The following MYO15A variants were observed in gnomAD, a reference collection of about 807,000 sequenced individuals.
MYO15A encodes the protein unconventional myosin-XV.
Under a neutral mutation model 394.6 loss-of-function variants are expected in MYO15A, and 308 were observed. That is an observed-to-expected ratio of 0.78 (90% CI 0.71 to 0.86). The LOEUF is 0.86. MYO15A is among the 40% of genes least tolerant of loss of function. The pLI, the probability that MYO15A is intolerant of heterozygous loss-of-function variation, is 0.00. For synonymous variants in MYO15A, 1,957 were observed against 2,003.8 expected (o/e 0.98, Z 0.62); for missense variants, 4,606 against 4,799.1 (o/e 0.96, Z 1.19).
At chr17:18,168,049 A>G (rs773487248) in intron 62 of MYO15A, among the ~76,000 whole-genome samples, 1 of 152,248 alleles carries the variant, frequency 6.6e-6, no homozygotes, top group Non-Finnish European at 1.5e-5. Context: ...TTCAGCCACA[A>G]AAGCATTCAC....
chr17:18,144,131 G>A lies in MYO15A; in HGVS notation c.6177+131G>A, dbSNP rs941761165. 6 of 1,438,436 alleles carry A rather than the reference G, an allele frequency of 4.2e-6. No individual in the cohort carries two copies. The East Asian group carries it at 9.6e-5, about 23-fold the overall frequency. The allele number at this position is 1,438,436 out of a possible 1,614,324, so 89.1% of individuals were successfully genotyped here. A position where few individuals can be genotyped will look rare whatever the true frequency, so the allele number is the denominator to read the frequency against. Reference sequence around the variant, plus strand: ...TTGGGTATGAGCCTTTTAGTTGCTGGATCATAGGGAATCTGGGAGATCCCT... The same window carrying A: ...TTGGGTATGAGCCTTTTAGTTGCTGAATCATAGGGAATCTGGGAGATCCCT... On this transcript the variant is annotated intron_variant, in intron 28 of 65. Coordinates refer to ENST00000647165, the MANE Select transcript of MYO15A (RefSeq NM_016239.4).
In MYO15A at chr17:18,133,097, A is replaced by G. The variant is rs1597780745; in HGVS notation, c.4321-128A>G. 37 of 927,244 alleles carry G rather than the reference A, an allele frequency of 4.0e-5. 1 individual carries two copies. In the East Asian group the frequency reaches 9.5e-4, roughly 24 times the overall value. 57.4% of individuals were successfully genotyped at this position (927,244 alleles called of 1,614,324 possible). On this transcript the variant is annotated intron_variant, in intron 11 of 65. Coordinates refer to ENST00000647165, the MANE Select transcript of MYO15A (RefSeq NM_016239.4). ...AGCCGTGCTCAGAGCCTCCGTGCCC[A>G]TGAGAGTGAAATGACAGCTTGAGTG...
chr17:18,138,829 C>T lies in MYO15A; in HGVS notation c.5026C>T (p.Leu1676=). The change falls in exon 18 of 66, where the codon CTA becomes TTA. Residue 1676 remains leucine, a synonymous_variant. Coordinates refer to ENST00000647165, the MANE Select transcript of MYO15A (RefSeq NM_016239.4). ...CCCCCAGGCTACAGACCACACCTTC[C>T]TACAGAAGTGCCACTACCATCATGG... ...CFPQATDHTF[L]QKCHYHHGAN... 1 of 1,613,918 alleles carries T rather than the reference C, an allele frequency of 6.2e-7. No homozygotes were observed. Among genetic ancestry groups the T allele is most frequent in the Non-Finnish European group, 8.5e-7 (1 of 1,179,948 alleles).
intron 1 of MYO15A, among the ~76,000 whole-genome samples, chr17:18,114,527 C>T (rs1465051296): frequency 6.6e-6 from 1 of 152,150 alleles, no homozygotes; most frequent in Non-Finnish European, 1.5e-5. Flanking sequence ...GCTGGGATTA[C>T]AGGCATGAGC....
chr17:18,152,064 A>C, intron 41 of MYO15A, 48 bp from the exon 42 acceptor site: 3 of 1,548,116 alleles, frequency 1.9e-6, no homozygotes, highest in Admixed American at 3.9e-5. Context: ...CTGCCCCTCC[A>C]CAGGGCCTGC....
At position 18,135,804 on chromosome 17, in the gene MYO15A, G is replaced by A; in HGVS notation, c.4576G>A (p.Ala1526Thr). 3.7e-6 allele frequency: 6 copies of A among 1,614,004 alleles called. No individual in the cohort carries two copies. Among genetic ancestry groups the A allele is most frequent in the Middle Eastern group, 1.7e-4 (1 of 6,054 alleles). Residue 1526 changes from alanine (A) to threonine (T), a missense_variant, in exon 13 of 66, where the codon GCC becomes ACC. By Grantham distance (58) the Ala-to-Thr change is moderately conservative. Coordinates refer to ENST00000647165, the MANE Select transcript of MYO15A (RefSeq NM_016239.4). ...LQISPEGLQK[A>T]ITFKVTETMR... ...GATCTCCCCTGAGGGCCTGCAGAAG[G>A]CCATCACCTTCAAAGTGACCGTGAG...
chr17:18,156,340 A>AGGATCTTCTCAC lies in MYO15A; in HGVS notation c.8601+5_8601+16dup, dbSNP rs1567656910. The stretch of plus-strand genomic sequence containing the variant: ...CTTCATCTTGGAGCTGAAGAAGGTC[A>AGGATCTTCTCAC]GGATCTTCTCACAGATCTTCCCTCC... On this transcript the variant is annotated splice_donor_region_variant and intron_variant, in intron 48 of 65. Coordinates refer to ENST00000647165, the MANE Select transcript of MYO15A (RefSeq NM_016239.4). 5.6e-6 allele frequency: 9 copies of AGGATCTTCTCAC among 1,614,082 alleles called. No homozygotes were observed. The highest frequency in any genetic ancestry group is 7.6e-6 in the Non-Finnish European group (9 of 1,179,946).
Position 18,120,773 on chromosome 17 carries a change from G to T in MYO15A, c.1973G>T (p.Ser658Ile). ...QPAPRTLSHW[S>I]ALLSPPVPPR... is the part of the protein sequence containing the mutation. ...GCGCCCAGGACCCTCTCCCACTGGA[G>T]CGCGCTCCTGTCTCCGCCCGTGCCC... The change falls in exon 2 of 66, where the codon AGC (serine) becomes ATC (isoleucine). Residue 658 changes from serine to isoleucine, a missense_variant. Ser to Ile is a moderately radical substitution (Grantham distance 142). Transcript: ENST00000647165. The T allele has an allele frequency of 7.0e-7, 1 of 1,426,642 alleles. No individual in the cohort carries two copies. 88.4% of individuals were successfully genotyped at this position (1,426,642 alleles called of 1,614,324 possible).
chr17:18,139,739 C>A, intron 19 of MYO15A, 128 bp downstream of exon 19: 2 of 1,135,108 alleles, frequency 1.8e-6, no homozygotes, highest in Non-Finnish European at 2.6e-6. Context: ...CAGACAAAGA[C>A]AAGGGTGGCC....
rs1196808103 is a variant in MYO15A at position 18,137,636 on chromosome 17, A to C, written c.4832A>C (p.Asn1611Thr). 6.2e-7 allele frequency: 1 copy of C among 1,614,148 alleles called. No homozygotes were observed. The highest frequency in any genetic ancestry group is 1.7e-5 in the Admixed American group (1 of 60,020). ...CTGTGTATTAACTACGCAAACGAGA[A>C]CCTTCAGTACCTTTTCAACAAGATC... is the stretch of plus-strand genomic sequence containing the variant. The part of the protein sequence containing the change: ...EQLCINYANE[N>T]LQYLFNKIVF... Residue 1611 changes from asparagine to threonine, a missense_variant, in exon 16 of 66, where the codon AAC becomes ACC. Asn to Thr is a moderately conservative substitution (Grantham distance 65, BLOSUM62 0). This residue lies in a region of MYO15A where 2,776 missense variants were observed against 3,109.3 expected (regional missense o/e 0.89). Coordinates refer to ENST00000647165, the MANE Select transcript of MYO15A (RefSeq NM_016239.4).
chr17:18,157,882 G>A lies in MYO15A; in HGVS notation c.8949G>A (p.Glu2983=). The part of the protein sequence containing the change: ...AAVASAAAAQ[E]VGRRREGPPV... ...TGGCCTCTGCAGCCGCTGCACAGGA[G>A]GTGGGCCGCAGGAGAGAGGTGAGAC... Residue 2983 remains glutamate, a synonymous_variant, in exon 51 of 66, where the codon GAG becomes GAA. Coordinates refer to ENST00000647165, the MANE Select transcript of MYO15A (RefSeq NM_016239.4). 6.5e-7 allele frequency: 1 copy of A among 1,534,718 alleles called. No homozygotes were observed. The highest frequency in any genetic ancestry group is 1.4e-5 in the African/African-American group (1 of 72,812).
chr17:18,116,481 G>A (rs978522102), intron 1 of MYO15A, among the ~76,000 whole-genome samples: 9 of 152,224 alleles, frequency 5.9e-5, no homozygotes, highest in African/African-American at 2.2e-4. Flanking sequence ...TTCCTCATCC[G>A]GAGAATGGAT....
Position 18,121,040 on chromosome 17 carries a change from G to GCT in MYO15A, c.2242_2243dup (p.Arg749ProfsTer33). 1 of 1,509,422 alleles carries GCT rather than the reference G, an allele frequency of 6.6e-7. No individual in the cohort carries two copies. Among genetic ancestry groups the GCT allele is most frequent in the Non-Finnish European group, 8.8e-7 (1 of 1,133,640 alleles). 93.5% of individuals were successfully genotyped at this position (1,509,422 alleles called of 1,614,324 possible). A position where few individuals can be genotyped will look rare whatever the true frequency, so the allele number is the denominator to read the frequency against. On this transcript the variant is annotated frameshift_variant, in exon 2 of 66. Coordinates refer to ENST00000647165, the MANE Select transcript of MYO15A (RefSeq NM_016239.4). LOFTEE classifies it high-confidence loss of function. The surrounding 1 kb of genome is among the most constrained non-coding windows in gnomAD (Gnocchi z 5.3). ...CCAGGGCCCCGACCCTCGTTCAGGGGCTCCCGCCGGAGAGGGGCGGCTTTC... is the reference window on the plus strand; with the variant it reads ...CCAGGGCCCCGACCCTCGTTCAGGGGCTCTCCCGCCGGAGAGGGGCGGCTTTC...
intron 13 of MYO15A, among the ~76,000 whole-genome samples, chr17:18,136,197 G>A (rs1246984540): frequency 2.6e-5 from 4 of 152,132 alleles, no homozygotes; most frequent in Non-Finnish European, 4.4e-5. Context: ...ATCTGCTGAT[G>A]CCTCTGTCTC....
rs529758445 is a variant in MYO15A at position 18,138,903 on chromosome 17, C to T, written c.5100C>T (p.Thr1700=). Residue 1700 remains threonine (T), a synonymous_variant, in exon 18 of 66, where the codon ACC becomes ACT. Transcript: ENST00000647165. ...SKPKMPLPEF[T]IKHYAGKVTY... The stretch of plus-strand genomic sequence containing the variant: ...CCAAGATGCCGCTGCCTGAGTTCAC[C>T]ATCAAGCACTATGCAGGCAAGGTCA... 73 of 1,613,162 alleles carry T rather than the reference C, an allele frequency of 4.5e-5. No homozygotes were observed. In the Middle Eastern group the frequency reaches 5.0e-4, roughly 11 times the overall value.
At chr17:18,162,256 G>A (rs1160420754) in intron 57 of MYO15A, among the ~76,000 whole-genome samples, 1 of 152,180 alleles carries the variant, frequency 6.6e-6, no homozygotes, top group Non-Finnish European at 1.5e-5. Context: ...CCTAGCCACA[G>A]AGCCTGTGAG....
At chr17:18,173,497 C>T in intron 64 of MYO15A, 1 of 456,144 alleles carries the variant, frequency 2.2e-6, no homozygotes, top group South Asian at 2.2e-5. Flanking sequence ...TTCAGGGCAC[C>T]AATACCTCTC....
At chr17:18,154,879 G>C (rs1418573108) in intron 45 of MYO15A, 124 bp downstream of exon 45, 1 of 1,175,082 alleles carries the variant, frequency 8.5e-7, no homozygotes, top group Admixed American at 2.0e-5. Context: ...GTGCCTCCTT[G>C]CTCTGCTTCT....
Position 18,157,832 on chromosome 17 carries a change from C to G in MYO15A, c.8899C>G (p.Arg2967Gly), listed in dbSNP as rs944487015. Residue 2967 changes from arginine (R) to glycine (G), a missense_variant, in exon 51 of 66, where the codon CGA becomes GGA. Transcript: ENST00000647165. ...GCTGCCAACGGAGCCAGGCCGCGGC[C>G]GAGCAGCCGCCGTGGCCGCTGCTGT... ...LQLPTEPGRG[R>G]AAAVAAAVAS... is the part of the protein sequence containing the mutation. The G allele has an allele frequency of 1.3e-6, 2 of 1,591,104 alleles. No homozygotes were observed. The highest frequency in any genetic ancestry group is 1.7e-5 in the Admixed American group (1 of 58,950).
Sources: gnomAD v4.1 joint callset for allele counts (sites outside exome capture counted in the v4.1 genomes callset) on GRCh38, gnomAD v4.1.1 for gene constraint, gnomAD v4.1.1 regional missense constraint, Gnocchi (gnomAD v3.1) non-coding constraint, MANE v1.5 for transcripts, NCBI Gene and HGNC (gene_info 2026-07-23, HGNC 2026-07-21) for gene names.